SGCZ: variants seen among roughly 807,000 people sequenced by gnomAD.
SGCZ encodes zeta-sarcoglycan.
In SGCZ, 40 loss-of-function variants were observed where a neutral mutation model predicts 41.3. That is an observed-to-expected ratio of 0.97 (90% CI 0.75 to 1.26). The LOEUF (loss-of-function observed/expected upper bound fraction) is 1.26. Among genes scored for constraint, SGCZ ranks in the 50% most tolerant of loss-of-function variants. SGCZ has a pLI of 0.00. For missense variants in SGCZ, 552 were observed against 369.8 expected (o/e 1.49, Z -4.04); for synonymous variants, 206 against 137.5 (o/e 1.50, Z -3.49).
intron 1 of SGCZ, among the ~76,000 whole-genome samples, chr8:14,776,960 A>G (rs1800422627): frequency 6.6e-6 from 1 of 152,214 alleles, no homozygotes; most frequent in Admixed American, 6.5e-5. Flanking sequence ...ATAAAATACA[A>G]TTTCCACTTT....
intron 1 of SGCZ, among the ~76,000 whole-genome samples, chr8:14,582,514 T>G (rs1804924942): frequency 6.6e-6 from 1 of 152,164 alleles, no homozygotes; most frequent in Admixed American, 6.5e-5. Context: ...TTTAAATTTA[T>G]TTTATTATTA....
chr8:14,180,061 A>G (rs1804671563), intron 4 of SGCZ, among the ~76,000 whole-genome samples: 1 of 152,146 alleles, frequency 6.6e-6, no homozygotes, highest in African/African-American at 2.4e-5. Context: ...TGAGAATGGT[A>G]CCTGCAGGGT....
intron 4 of SGCZ, among the ~76,000 whole-genome samples, chr8:14,185,902 T>C (rs1419756622): frequency 6.6e-6 from 1 of 152,230 alleles, no homozygotes; most frequent in Non-Finnish European, 1.5e-5. Flanking sequence ...AATATCTACA[T>C]GTTGAATCCC....
In SGCZ at chr8:14,502,985, C is replaced by G. The variant is rs963319855; in HGVS notation, c.234+51747G>C. On this transcript the variant is annotated intron_variant, in intron 2 of 7. Transcript: ENST00000382080. Reference sequence around the variant, plus strand: ...ATTATAAATCATTCTACTATAAAGACACATGCACATGTATGTTTATTGCAG... The same window carrying G: ...ATTATAAATCATTCTACTATAAAGAGACATGCACATGTATGTTTATTGCAG... Among the ~76,000 whole-genome samples, 32 of 152,160 alleles carry G rather than the reference C, an allele frequency of 2.1e-4. 1 individual carries two copies. Among genetic ancestry groups the G allele is most frequent in the Admixed American group, 6.5e-5 (1 of 15,272 alleles).
At chr8:14,253,594 A>T (rs910853858) in intron 3 of SGCZ, among the ~76,000 whole-genome samples, 1 of 152,094 alleles carries the variant, frequency 6.6e-6, no homozygotes, top group Non-Finnish European at 1.5e-5. Context: ...GTCTATGTAA[A>T]GAGATATAGT....
At chr8:14,938,172 A>T (rs980035422) in intron 1 of SGCZ, among the ~76,000 whole-genome samples, 4 of 152,222 alleles carry the variant, frequency 2.6e-5, no homozygotes, top group African/African-American at 9.6e-5. Flanking sequence ...GTTGAAATAC[A>T]TTATGTTCAT....
At chr8:14,847,176 A>AGAAGAAGAAGAAGAG (rs1563312305) in intron 1 of SGCZ, among the ~76,000 whole-genome samples, 3 of 146,530 alleles carry the variant, frequency 2.0e-5, no homozygotes, top group African/African-American at 7.8e-5. Flanking sequence ...AAGAAGAAGA[A>AGAAGAAGAAGAAGAG]GAAGAAGAAG....
intron 1 of SGCZ, among the ~76,000 whole-genome samples, chr8:15,153,370 G>T (rs1456107020): frequency 6.6e-6 from 1 of 152,150 alleles, no homozygotes; most frequent in African/African-American, 2.4e-5. Flanking sequence ...CATATTTAAA[G>T]CCAGGTTATT....
In SGCZ at chr8:14,916,124, G is replaced by C. The variant is rs557693826; in HGVS notation, c.39+321461C>G. Among the ~76,000 whole-genome samples, 14 of 152,250 alleles carry C rather than the reference G, an allele frequency of 9.2e-5. No homozygotes were observed. The South Asian group carries it at 2.7e-3, about 29-fold the overall frequency. ...CCTATATAAGAATTGAAATCCTTTT[G>C]CGTAGCAGATAAATTTTTTAAATCA... is the stretch of plus-strand genomic sequence containing the variant. On this transcript the variant is annotated intron_variant, in intron 1 of 7. Coordinates refer to ENST00000382080, the MANE Select transcript of SGCZ (RefSeq NM_139167.4).
intron 1 of SGCZ, among the ~76,000 whole-genome samples, chr8:14,813,298 T>G (rs1801789870): frequency 6.6e-6 from 1 of 152,292 alleles, no homozygotes; most frequent in Non-Finnish European, 1.5e-5. Flanking sequence ...ATTTCATTTT[T>G]TAATATAATC....
At chr8:14,549,220 A>G (rs1365946223) in intron 2 of SGCZ, among the ~76,000 whole-genome samples, 1 of 152,092 alleles carries the variant, frequency 6.6e-6, no homozygotes, top group African/African-American at 2.4e-5. Flanking sequence ...GAAGTCAGAC[A>G]GAGCTAGTAA....
intron 1 of SGCZ, among the ~76,000 whole-genome samples, chr8:15,191,718 C>A (rs1275264094): frequency 6.6e-6 from 1 of 151,830 alleles, no homozygotes; most frequent in Non-Finnish European, 1.5e-5. Context: ...AAAGCATGTA[C>A]AAATAATATG....
chr8:15,033,546 A>G (rs566137139), intron 1 of SGCZ, among the ~76,000 whole-genome samples: 17 of 152,146 alleles, frequency 1.1e-4, no homozygotes, highest in African/African-American at 3.6e-4. Flanking sequence ...TAGAGAATGA[A>G]GTTCCAGACA....
At chr8:14,616,792 A>C (rs1409102211) in intron 1 of SGCZ, among the ~76,000 whole-genome samples, 1 of 152,190 alleles carries the variant, frequency 6.6e-6, no homozygotes, top group African/African-American at 2.4e-5. Flanking sequence ...CAAAATAGTA[A>C]AATTCAAATT....
intron 5 of SGCZ, among the ~76,000 whole-genome samples, chr8:14,120,425 T>C (rs1369417317): frequency 3.9e-5 from 6 of 152,232 alleles, no homozygotes; most frequent in Middle Eastern, 3.4e-3. Context: ...ATTGGTGACA[T>C]GCTGAAACAT....
At chr8:14,217,772 G>A (rs1806052174) in intron 4 of SGCZ, among the ~76,000 whole-genome samples, 1 of 151,274 alleles carries the variant, frequency 6.6e-6, no homozygotes, top group South Asian at 2.1e-4. Context: ...TGCGATTACA[G>A]GTGAACACCA....
intron 3 of SGCZ, among the ~76,000 whole-genome samples, chr8:14,318,020 A>G (rs976460999): frequency 3.3e-5 from 5 of 152,016 alleles, no homozygotes; most frequent in Admixed American, 2.6e-4. Flanking sequence ...TCTTGCAAGT[A>G]TATCAGTAGA....
At chr8:14,669,893 T>A (rs1385630475) in intron 1 of SGCZ, among the ~76,000 whole-genome samples, 1 of 152,198 alleles carries the variant, frequency 6.6e-6, no homozygotes, top group Non-Finnish European at 1.5e-5. Context: ...TTTTCATAGT[T>A]CCATTTTAGT....
chr8:14,440,667 G>GTATGTATATACATACATATATACA (rs751429180), intron 2 of SGCZ, among the ~76,000 whole-genome samples: 1 of 120,572 alleles, frequency 8.3e-6, no homozygotes, highest in African/African-American at 3.4e-5. Flanking sequence ...ATATGTGTCT[G>GTATGTATATACATACATATATACA]TATGTATATA....
Sources: allele counts gnomAD v4.1 joint callset (sites outside exome capture counted in the v4.1 genomes callset), GRCh38; gene constraint gnomAD v4.1.1; transcripts MANE v1.5; gene names NCBI Gene and HGNC (gene_info 2026-07-23, HGNC 2026-07-21).